IL15RA: variants seen among roughly 807,000 people sequenced by gnomAD.
IL15RA encodes the protein interleukin-15 receptor subunit alpha.
Under a neutral mutation model 24.2 loss-of-function variants are expected in IL15RA, and 26 were observed. The ratio of observed to expected loss-of-function variants is 1.07; its 90% confidence interval spans 0.79 to 1.49. The LOEUF is 1.49. Ranked by LOEUF, IL15RA falls within the 40% of genes most tolerant of loss-of-function variation. The pLI is 0.00. For missense variants in IL15RA, 354 were observed against 356.4 expected (o/e 0.99, Z 0.05); for synonymous variants, 166 against 157.6 (o/e 1.05, Z -0.40).
In IL15RA at chr10:5,962,891, C is replaced by T. The variant is rs1835842538; in HGVS notation, c.382+852G>A. Among the ~76,000 whole-genome samples the T allele has an allele frequency of 2.6e-5, 4 of 152,276 alleles. 1 individual carries two copies. The South Asian group carries it at 6.2e-4, about 24-fold the overall frequency. The stretch of plus-strand genomic sequence containing the variant: ...AGGGCGGAGGATCCCAAGAAAGCAT[C>T]CAAGATTTCAAATTTTCTGAACACT... On this transcript the variant is annotated intron_variant, in intron 3 of 6. Coordinates refer to ENST00000379977, the MANE Select transcript of IL15RA (RefSeq NM_002189.4). This position sits in a 1 kb window ranked among gnomAD's most constrained non-coding sequence, Gnocchi z 5.2.
At chr10:5,977,766 C>T (rs1838693799), upstream of IL15RA, 1 of 709,112 alleles carries the variant, frequency 1.4e-6, no homozygotes, top group Non-Finnish European at 2.0e-6. Context: ...GGTGGGGACC[C>T]AGGACCTTAC....
rs1159301120 is a variant in IL15RA at position 5,960,322 on chromosome 10, C to G, written c.583+45G>C. ...CGGATCTCAGCCCCGATCTCAGAAG[C>G]AGCAATGGGGAACTGACCTCTCCTG... On this transcript the variant is annotated intron_variant, in intron 4 of 6. Transcript: ENST00000379977. The surrounding 1 kb of genome is among the most constrained non-coding windows in gnomAD (Gnocchi z 5.1). 1.3e-6 allele frequency: 2 copies of G among 1,525,774 alleles called. No homozygotes were observed. The highest frequency in any genetic ancestry group is 1.8e-6 in the Non-Finnish European group (2 of 1,100,292). The allele number at this position is 1,525,774 out of a possible 1,614,324, so 94.5% of individuals were successfully genotyped here.
At position 5,971,158 on chromosome 10, in the gene IL15RA, G is replaced by A. The variant is rs971319547; in HGVS notation, c.89-4819C>T. 6.6e-6 allele frequency among the ~76,000 whole-genome samples: 1 copy of A among 151,986 alleles called. No homozygotes were observed. The highest frequency in any genetic ancestry group is 2.4e-5 in the African/African-American group (1 of 41,346). On this transcript the variant is annotated intron_variant, in intron 1 of 6. Coordinates refer to ENST00000379977, the MANE Select transcript of IL15RA (RefSeq NM_002189.4). This position sits in a 1 kb window ranked among gnomAD's most constrained non-coding sequence, Gnocchi z 5.5. ...TCTCACCTTGTTTACAATATTATAA[G>A]CTCCTTGCAGATGGTATGTATATTT...
chr10:5,957,758 A>G (rs1834775910), intron 5 of IL15RA, among the ~76,000 whole-genome samples: 1 of 151,506 alleles, frequency 6.6e-6, no homozygotes, highest in Non-Finnish European at 1.5e-5. Context: ...CACCTGGCTA[A>G]TTTTTGTATT....
rs1227762604 is a variant in IL15RA at position 5,965,170 on chromosome 10, G to A, written c.283+975C>T. On this transcript the variant is annotated intron_variant, in intron 2 of 6. Transcript: ENST00000379977. This position sits in a 1 kb window ranked among gnomAD's most constrained non-coding sequence, Gnocchi z 5.8. ...GAGTGTTCCAGAAACAGCTCCAAGT[G>A]GTTCCCACCCGAGATGGTTTGGCTG... Among the ~76,000 whole-genome samples, 1 of 152,178 alleles carries A rather than the reference G, an allele frequency of 6.6e-6. No individual in the cohort carries two copies. Among genetic ancestry groups the A allele is most frequent in the Non-Finnish European group, 1.5e-5 (1 of 68,022 alleles).
In IL15RA at chr10:5,971,440, G is replaced by A. The variant is rs552580171; in HGVS notation, c.89-5101C>T. Reference sequence around the variant, plus strand: ...ATCACACTTCCTTATCTATCAGGTTGGTTTACAGAGTCTAATAAGAGCTGG... The same window carrying A: ...ATCACACTTCCTTATCTATCAGGTTAGTTTACAGAGTCTAATAAGAGCTGG... On this transcript the variant is annotated intron_variant, in intron 1 of 6. Coordinates refer to ENST00000379977, the MANE Select transcript of IL15RA (RefSeq NM_002189.4). The surrounding 1 kb of genome is among the most constrained non-coding windows in gnomAD (Gnocchi z 5.5). Among the ~76,000 whole-genome samples, 8 of 152,326 alleles carry A rather than the reference G, an allele frequency of 5.3e-5. No homozygotes were observed. The highest frequency in any genetic ancestry group is 1.9e-4 in the African/African-American group (8 of 41,580).
downstream of IL15RA, chr10:5,952,322 C>T (rs1452510518): frequency 6.6e-6 from 1 of 152,632 alleles, no homozygotes; most frequent in Non-Finnish European, 1.5e-5. Context: ...TGCCTTCCTA[C>T]TCTTTCTCCT....
Position 5,970,698 on chromosome 10 carries a change from ATTATT to A in IL15RA, c.89-4364_89-4360del, listed in dbSNP as rs1182034499. On this transcript the variant is annotated intron_variant, in intron 1 of 6. Coordinates refer to ENST00000379977, the MANE Select transcript of IL15RA (RefSeq NM_002189.4). This position sits in a 1 kb window ranked among gnomAD's most constrained non-coding sequence, Gnocchi z 4.1. Reference sequence around the variant, plus strand: ...GATATTACTAACACTGTTTCATTTTATTATTTTATTTTTAAAATGATTTTATTTTA... The same window carrying A: ...GATATTACTAACACTGTTTCATTTTATTATTTTTAAAATGATTTTATTTTA... Among the ~76,000 whole-genome samples the A allele has an allele frequency of 3.3e-5, 5 of 151,748 alleles. No homozygotes were observed.
rs563732546 is a variant in IL15RA at position 5,962,840 on chromosome 10, T to G, written c.382+903A>C. Among the ~76,000 whole-genome samples the G allele has an allele frequency of 1.3e-5, 2 of 152,258 alleles. No individual in the cohort carries two copies. Among genetic ancestry groups the G allele is most frequent in the Admixed American group, 1.3e-4 (2 of 15,296 alleles). On this transcript the variant is annotated intron_variant, in intron 3 of 6. Coordinates refer to ENST00000379977, the MANE Select transcript of IL15RA (RefSeq NM_002189.4). This position sits in a 1 kb window ranked among gnomAD's most constrained non-coding sequence, Gnocchi z 5.2. ...TGCAACACTAAAGCCAAGAGTGAAC[T>G]GTAGCACAAAGGTATCATAGCATGC...
chr10:5,977,559 C>T (rs1380528697), upstream of IL15RA: 5 of 1,271,868 alleles, frequency 3.9e-6, no homozygotes, highest in South Asian at 5.4e-5. Flanking sequence ...GGGGAGGTGG[C>T]GAGCGCTGCT....
rs372575911 is a variant in IL15RA at position 5,957,117 on chromosome 10, G to T, written c.617-663C>A. Among the ~76,000 whole-genome samples, 5 of 151,544 alleles carry T rather than the reference G, an allele frequency of 3.3e-5. No homozygotes were observed. In the East Asian group the frequency reaches 9.7e-4, roughly 29 times the overall value. ...TGGGATTACAGGCACACACCACCAC[G>T]CCTGGCTAATTTTTTGTATTTTCAG... On this transcript the variant is annotated intron_variant, in intron 5 of 6. Transcript: ENST00000379977.
In IL15RA at chr10:5,962,277, G is replaced by C. The variant is rs928716172; in HGVS notation, c.382+1466C>G. ...TGCTTCTTCCTCCCTTAAGATGCAG[G>C]CCTCAGCCTTGGCCACTTAAGAACC... On this transcript the variant is annotated intron_variant, in intron 3 of 6. Transcript: ENST00000379977. The surrounding 1 kb of genome is among the most constrained non-coding windows in gnomAD (Gnocchi z 5.2). Among the ~76,000 whole-genome samples the C allele has an allele frequency of 3.9e-5, 6 of 152,124 alleles. No individual in the cohort carries two copies. The highest frequency in any genetic ancestry group is 1.4e-4 in the African/African-American group (6 of 41,402).
rs549941624 is a variant in IL15RA at position 5,953,586 on chromosome 10, T to C, written c.693-380A>G. 3.3e-5 allele frequency among the ~76,000 whole-genome samples: 5 copies of C among 152,256 alleles called. No homozygotes were observed. The highest frequency in any genetic ancestry group is 4.1e-4 in the South Asian group (2 of 4,828). ...TCCACCAAAGACTCACCAAGTGCTG[T>C]TGGAGCAACTTACGCCACCCTGCCA... On this transcript the variant is annotated intron_variant, in intron 6 of 6. Coordinates refer to ENST00000379977, the MANE Select transcript of IL15RA (RefSeq NM_002189.4). This position sits in a 1 kb window ranked among gnomAD's most constrained non-coding sequence, Gnocchi z 5.3.
Position 5,959,417 on chromosome 10 carries a change from G to C in IL15RA, c.616+337C>G, listed in dbSNP as rs760226140. On this transcript the variant is annotated intron_variant, in intron 5 of 6. Transcript: ENST00000379977. This position sits in a 1 kb window ranked among gnomAD's most constrained non-coding sequence, Gnocchi z 4.1. ...CAGAGATGCTGTAACGTCAGTGCTG[G>C]CATCAGCACCTGTAGTTTTGGATGC... 6.6e-6 allele frequency among the ~76,000 whole-genome samples: 1 copy of C among 152,132 alleles called. No individual in the cohort carries two copies. The highest frequency in any genetic ancestry group is 1.5e-5 in the Non-Finnish European group (1 of 68,018).
chr10:5,948,906 A>C (rs1304035487), downstream of IL15RA: 1 of 184,874 alleles, frequency 5.4e-6, no homozygotes, highest in African/African-American at 2.3e-5. Flanking sequence ...AAAATATTGA[A>C]AATATATATT....
rs1835846852 is a variant in IL15RA, at chr10:5,962,920, A to G, written c.382+823T>C. ...GATTTCAAATTTTCTGAACACTGAG[A>G]AAGCGCTGAGGAAATTGGGCCTGAC... is the stretch of plus-strand genomic sequence containing the variant. On this transcript the variant is annotated intron_variant, in intron 3 of 6. Transcript: ENST00000379977. The surrounding 1 kb of genome is among the most constrained non-coding windows in gnomAD (Gnocchi z 5.2). 6.6e-6 allele frequency among the ~76,000 whole-genome samples: 1 copy of G among 152,224 alleles called. No homozygotes were observed. The highest frequency in any genetic ancestry group is 1.5e-5 in the Non-Finnish European group (1 of 68,026).
chr10:5,959,098 G>A lies in IL15RA; in HGVS notation c.616+656C>T, dbSNP rs140162623. ...TCTATTCTCCTAGCCTTAGCATTGC[G>A]TGTGACTTCTGTAAAGAGGAGCAGA... is the stretch of plus-strand genomic sequence containing the variant. On this transcript the variant is annotated intron_variant, in intron 5 of 6. Coordinates refer to ENST00000379977, the MANE Select transcript of IL15RA (RefSeq NM_002189.4). The surrounding 1 kb of genome is among the most constrained non-coding windows in gnomAD (Gnocchi z 4.1). 7.5e-3 allele frequency among the ~76,000 whole-genome samples: 1,130 copies of A among 151,412 alleles called. 11 individuals are homozygous for A. The highest frequency in any genetic ancestry group is 0.025 in the African/African-American group (1,033 of 41,232).
In IL15RA at chr10:5,966,252, C is replaced by A. The variant is rs774050503; in HGVS notation, c.176G>T (p.Cys59Phe). ...YSLYSRERYICNSGFKRKAGT... is the reference protein window; with the variant it reads ...YSLYSRERYIFNSGFKRKAGT... ...GGCTTTACGCTTGAAACCAGAGTTA[C>A]AAATGTACCGCTCCCTGGAGTACAA... Residue 59 changes from cysteine (C) to phenylalanine (F), a missense_variant, in exon 2 of 7, where the codon TGT (cysteine) becomes TTT (phenylalanine). By Grantham distance (205) the Cys-to-Phe change is radical (BLOSUM62 -2). Coordinates refer to ENST00000379977, the MANE Select transcript of IL15RA (RefSeq NM_002189.4). This position sits in a 1 kb window ranked among gnomAD's most constrained non-coding sequence, Gnocchi z 6.4. 6.2e-7 allele frequency: 1 copy of A among 1,614,024 alleles called. No individual in the cohort carries two copies. Among genetic ancestry groups the A allele is most frequent in the Non-Finnish European group, 8.5e-7 (1 of 1,179,996 alleles).
In IL15RA at chr10:5,971,411, G is replaced by A. The variant is rs1224973883; in HGVS notation, c.89-5072C>T. 6.6e-6 allele frequency among the ~76,000 whole-genome samples: 1 copy of A among 152,218 alleles called. No homozygotes were observed. The highest frequency in any genetic ancestry group is 1.9e-4 in the East Asian group (1 of 5,204). On this transcript the variant is annotated intron_variant, in intron 1 of 6. Coordinates refer to ENST00000379977, the MANE Select transcript of IL15RA (RefSeq NM_002189.4). The surrounding 1 kb of genome is among the most constrained non-coding windows in gnomAD (Gnocchi z 5.5). ...CACCTCTTTCTGTTTCCCAGAACCT[G>A]TGAATCACACTTCCTTATCTATCAG...
Sources: allele counts gnomAD v4.1 joint callset (sites outside exome capture counted in the v4.1 genomes callset), GRCh38; gene constraint gnomAD v4.1.1; non-coding constraint Gnocchi (gnomAD v3.1); transcripts MANE v1.5; gene names NCBI Gene and HGNC (gene_info 2026-07-23, HGNC 2026-07-21).